NFIB: variants seen among roughly 807,000 people sequenced by gnomAD.
NFIB encodes nuclear factor 1 B-type.
In NFIB, 11 loss-of-function variants were observed where a neutral mutation model predicts 61.5. The ratio of observed to expected loss-of-function variants is 0.18; its 90% CI spans 0.11 to 0.30. The LOEUF (loss-of-function observed/expected upper bound fraction) is 0.30. NFIB is among the 10% of genes least tolerant of loss of function. NFIB has a pLI of 1.00. For missense variants in NFIB, 471 were observed against 608.9 expected, an observed-to-expected ratio of 0.77 and a Z score of 2.38; for synonymous variants, 260 against 216.5, an observed-to-expected ratio of 1.20 and a Z score of -1.76.
the NFIB span, among the ~76,000 whole-genome samples, chr9:14,480,321 T>A: frequency 3.3e-5 from 5 of 152,148 alleles, no homozygotes; most frequent in South Asian, 1.0e-3. Context: ...AGCTGTACCA[T>A]GCTGCTTCTT....
chr9:14,485,732 G>C, the NFIB span, among the ~76,000 whole-genome samples: 2 of 151,966 alleles, frequency 1.3e-5, no homozygotes, highest in Non-Finnish European at 2.9e-5. Flanking sequence ...AAAGTTAGTC[G>C]GGTGTTGTGG....
At chr9:14,269,272 T>G (rs1418891338) in intron 2 of NFIB, among the ~76,000 whole-genome samples, 1 of 152,154 alleles carries the variant, frequency 6.6e-6, no homozygotes, top group African/African-American at 2.4e-5. Flanking sequence ...AAAGACAAAT[T>G]TTTCAAATTC....
the NFIB span, among the ~76,000 whole-genome samples, chr9:14,462,303 G>C: frequency 6.8e-6 from 1 of 147,210 alleles, no homozygotes; most frequent in Non-Finnish European, 1.5e-5. Context: ...TTTTTTTTCA[G>C]ACAGAGTCTT....
intron 1 of NFIB, among the ~76,000 whole-genome samples, chr9:14,325,903 G>A (rs1447699875): frequency 4.0e-5 from 6 of 151,664 alleles, no homozygotes; most frequent in East Asian, 1.9e-4. Context: ...TAAAACAATT[G>A]GATAACTATT....
chr9:14,281,960 T>TA (rs2058402418), intron 2 of NFIB, among the ~76,000 whole-genome samples: 1 of 152,164 alleles, frequency 6.6e-6, no homozygotes, highest in Non-Finnish European at 1.5e-5. Context: ...ATCTGTACTT[T>TA]AAAAAATCTT....
chr9:14,302,929 T>C (rs1479308491), intron 2 of NFIB, among the ~76,000 whole-genome samples: 2 of 152,192 alleles, frequency 1.3e-5, no homozygotes, highest in African/African-American at 4.8e-5. Context: ...GCTAACTATC[T>C]AGGAAACTTT....
the NFIB span, among the ~76,000 whole-genome samples, chr9:14,517,132 G>A: frequency 6.6e-6 from 1 of 152,314 alleles, no homozygotes; most frequent in South Asian, 2.1e-4. Context: ...AGCCACTAGG[G>A]CAGGAGGAAA....
chr9:14,449,071 A>T, the NFIB span, among the ~76,000 whole-genome samples: 4 of 152,216 alleles, frequency 2.6e-5, no homozygotes, highest in Non-Finnish European at 5.9e-5. Context: ...TTCCTGAAAA[A>T]TTTGATGCAA....
At chr9:14,096,018 C>A (rs1405387731) in intron 10 of NFIB, among the ~76,000 whole-genome samples, 2 of 152,056 alleles carry the variant, frequency 1.3e-5, no homozygotes, top group South Asian at 2.1e-4. Context: ...GATATTTATT[C>A]ATTCATAGTC....
At chr9:14,181,143 T>G (rs2046726108) in intron 2 of NFIB, among the ~76,000 whole-genome samples, 1 of 152,240 alleles carries the variant, frequency 6.6e-6, no homozygotes, top group Non-Finnish European at 1.5e-5. Context: ...TTTCTTCTCA[T>G]ATAAAACCTG....
chr9:14,135,077 T>A (rs572265008), intron 6 of NFIB, among the ~76,000 whole-genome samples: 152 of 152,168 alleles, frequency 1.0e-3, no homozygotes, highest in African/African-American at 3.4e-3. Flanking sequence ...CAGGCTAGCA[T>A]ATATACAATG....
chr9:14,091,356 T>C (rs2033876071), intron 10 of NFIB, among the ~76,000 whole-genome samples: 1 of 152,040 alleles, frequency 6.6e-6, no homozygotes, highest in South Asian at 2.1e-4. Flanking sequence ...AAAAATGCAA[T>C]GTCTAAAATT....
At position 14,398,385 on chromosome 9, in the gene NFIB, T is replaced by C. The variant is rs893106896; in HGVS notation, c.108+139A>G. 24 of 605,742 alleles carry C rather than the reference T, an allele frequency of 4.0e-5. No homozygotes were observed. In the South Asian group the frequency reaches 4.1e-4, roughly 10 times the overall value. The allele number at this position is 605,742 out of a possible 1,614,324, so 37.5% of individuals were successfully genotyped here. A position where few individuals can be genotyped will look rare whatever the true frequency, so the allele number is the denominator to read the frequency against. On this transcript the variant is annotated intron_variant, in intron 1 of 8. Transcript: ENST00000380934. Reference sequence around the variant, plus strand: ...AGTTCACCTCAGTAGTCGCTCTACATTGGAAAACCAGCCCTGCAACAGGAA... The same window carrying C: ...AGTTCACCTCAGTAGTCGCTCTACACTGGAAAACCAGCCCTGCAACAGGAA...
rs2032915764 is a variant in NFIB at position 14,086,732 on chromosome 9, TA to T, written c.*1576del. 1 of 209,392 alleles carries T rather than the reference TA, an allele frequency of 4.8e-6. No homozygotes were observed. The highest frequency in any genetic ancestry group is 2.3e-5 in the African/African-American group (1 of 44,072). The allele number at this position is 209,392 out of a possible 1,614,324, so 13.0% of individuals were successfully genotyped here. A position where few individuals can be genotyped will look rare whatever the true frequency, so the allele number is the denominator to read the frequency against. On this transcript the variant is annotated 3_prime_UTR_variant, in exon 11 of 11. Coordinates refer to ENST00000380953, the MANE Select transcript of NFIB (RefSeq NM_001190737.2). ...AAATGGTAAAGATTTAAAATGATAA[TA>T]AATGCAGCAAAACAAGTGTAGTGAT...
Position 14,181,473 on chromosome 9 carries a change from C to G in NFIB, c.563-1693G>C, listed in dbSNP as rs368678502. ...GTCCTCTTATTACTTTTTCTGAAAT[C>G]AAGGCAAGATTCAGTGACTTATAAA... On this transcript the variant is annotated intron_variant, in intron 2 of 10. Transcript: ENST00000380953. Among the ~76,000 whole-genome samples, 34 of 152,288 alleles carry G rather than the reference C, an allele frequency of 2.2e-4. 2 individuals carry two copies. In the East Asian group the frequency reaches 5.8e-3, roughly 26 times the overall value.
At chr9:14,192,150 T>C (rs927570949) in intron 2 of NFIB, among the ~76,000 whole-genome samples, 5 of 152,198 alleles carry the variant, frequency 3.3e-5, no homozygotes, top group Non-Finnish European at 5.9e-5. Flanking sequence ...AAAGATTGCT[T>C]CTAATCAGAC....
At chr9:14,306,826 A>G (rs539748583) in intron 2 of NFIB, among the ~76,000 whole-genome samples, 163 bp downstream of exon 2, 5 of 152,328 alleles carry the variant, frequency 3.3e-5, no homozygotes, top group South Asian at 4.1e-4. Flanking sequence ...TGGCTCGCAC[A>G]TGGCAGCGGA....
chr9:14,141,639 A>C lies in NFIB; in HGVS notation c.925+5050T>G, dbSNP rs3780583. Among the ~76,000 whole-genome samples the C allele has an allele frequency of 7.5e-3, 1,147 of 152,316 alleles. 55 individuals are homozygous for C. In the East Asian group the frequency reaches 0.14, roughly 19 times the overall value. On this transcript the variant is annotated intron_variant, in intron 6 of 10. Coordinates refer to ENST00000380953, the MANE Select transcript of NFIB (RefSeq NM_001190737.2). The stretch of plus-strand genomic sequence containing the variant: ...TGCCTATAAAAATTCCTCCAATATA[A>C]TATAGACATTTGACAAATTGTTCAT...
At chr9:14,299,098 G>A (rs1361432279) in intron 2 of NFIB, among the ~76,000 whole-genome samples, 6 of 152,118 alleles carry the variant, frequency 3.9e-5, no homozygotes, top group Non-Finnish European at 7.4e-5. Flanking sequence ...TCATATTGAC[G>A]TGTCATTAGC....
Sources: allele counts gnomAD v4.1 joint callset (sites outside exome capture counted in the v4.1 genomes callset), GRCh38; gene constraint gnomAD v4.1.1; transcripts MANE v1.5; gene names NCBI Gene and HGNC (gene_info 2026-07-23, HGNC 2026-07-21).